The following DPP10 variants were observed in gnomAD, a reference collection of about 807,000 sequenced individuals.
DPP10 encodes dipeptidyl peptidase like 10, also known as inactive dipeptidyl peptidase 10.
Under a neutral mutation model 120.9 loss-of-function variants are expected in DPP10, and 33 were observed. The observed-to-expected ratio is 0.27, with a 90% CI of 0.21 to 0.37. The LOEUF is 0.37. DPP10 is among the 10% of genes least tolerant of loss of function. The pLI is 1.00. For synonymous variants in DPP10, 337 were observed against 326.1 expected (o/e 1.03, Z -0.36); for missense variants, 816 against 942.8 (o/e 0.87, Z 1.76).
At chr2:115,298,996 A>C (rs2061007418) in intron 1 of DPP10, among the ~76,000 whole-genome samples, 1 of 152,056 alleles carries the variant, frequency 6.6e-6, no homozygotes, top group Non-Finnish European at 1.5e-5. Flanking sequence ...TCTCATGGGC[A>C]ATTTTAAGAA....
chr2:114,492,373 G>A (rs1218775699), intron 1 of DPP10, among the ~76,000 whole-genome samples: 1 of 151,984 alleles, frequency 6.6e-6, no homozygotes, highest in East Asian at 1.9e-4. Flanking sequence ...GGTTATCAAT[G>A]ATCAACTAAC....
chr2:115,510,456 C>T (rs1216090812), intron 4 of DPP10, among the ~76,000 whole-genome samples: 1 of 152,060 alleles, frequency 6.6e-6, no homozygotes, highest in Admixed American at 6.6e-5. Flanking sequence ...CAAATGTCAG[C>T]TGACCACAAA....
intron 5 of DPP10, among the ~76,000 whole-genome samples, chr2:115,586,070 C>T (rs1049412179): frequency 6.6e-6 from 1 of 152,046 alleles, no homozygotes; most frequent in Admixed American, 6.6e-5. Flanking sequence ...CGCCTGTAAT[C>T]CCAGCACTTT....
intron 1 of DPP10, among the ~76,000 whole-genome samples, chr2:115,243,571 C>T (rs1475542564): frequency 6.6e-6 from 1 of 151,734 alleles, no homozygotes; most frequent in East Asian, 1.9e-4. Context: ...TTTGATAAAA[C>T]AAAATGATTG....
intron 1 of DPP10, among the ~76,000 whole-genome samples, chr2:115,019,292 A>G (rs769374097): frequency 6.6e-5 from 10 of 152,216 alleles, no homozygotes; most frequent in Non-Finnish European, 1.5e-4. Flanking sequence ...AAAAGAAAGG[A>G]ACATTCTTCA....
chr2:114,789,484 T>G (rs1488284428), intron 1 of DPP10, among the ~76,000 whole-genome samples: 1 of 151,998 alleles, frequency 6.6e-6, no homozygotes, highest in Non-Finnish European at 1.5e-5. Flanking sequence ...TGTGGAGGAG[T>G]TCACTTCTCA....
At chr2:115,812,532 C>T (rs927374402) in intron 19 of DPP10, among the ~76,000 whole-genome samples, 1 of 152,102 alleles carries the variant, frequency 6.6e-6, no homozygotes, top group Non-Finnish European at 1.5e-5. Flanking sequence ...CATCAGACTT[C>T]TAGGTTACAG....
chr2:115,018,126 A>T (rs1702800068), intron 1 of DPP10, among the ~76,000 whole-genome samples: 1 of 152,222 alleles, frequency 6.6e-6, no homozygotes, highest in Non-Finnish European at 1.5e-5. Context: ...ATCACTGTTC[A>T]TTAGAGAAAT....
At chr2:115,439,377 G>A (rs1395317100) in intron 3 of DPP10, among the ~76,000 whole-genome samples, 1 of 152,192 alleles carries the variant, frequency 6.6e-6, no homozygotes. Flanking sequence ...ATGATGAAAC[G>A]TGTCAGGACA....
chr2:115,813,291 A>G (rs1179596511), intron 19 of DPP10, among the ~76,000 whole-genome samples: 1 of 152,186 alleles, frequency 6.6e-6, no homozygotes, highest in Non-Finnish European at 1.5e-5. Context: ...TGAAGGCTAG[A>G]AGTCAAAGAT....
chr2:114,600,059 AT>A (rs776462085), intron 1 of DPP10, among the ~76,000 whole-genome samples: 3 of 150,426 alleles, frequency 2.0e-5, no homozygotes, highest in African/African-American at 7.3e-5. Context: ...CTAGGGATCA[AT>A]TTTTTTTTCC....
At chr2:114,622,405 T>TC in intron 1 of DPP10, among the ~76,000 whole-genome samples, 1 of 125,806 alleles carries the variant, frequency 7.9e-6, no homozygotes, top group Non-Finnish European at 1.6e-5. Context: ...CATCCATCTA[T>TC]CTTTTTTTTT....
intron 1 of DPP10, among the ~76,000 whole-genome samples, chr2:114,746,973 T>C (rs1678637879): frequency 6.6e-6 from 1 of 152,238 alleles, no homozygotes; most frequent in Non-Finnish European, 1.5e-5. Flanking sequence ...GGCTAGTCAC[T>C]ATATATACAC....
In DPP10 at chr2:114,878,407, CATTT is replaced by C. The variant is rs557671224; in HGVS notation, c.61-430829_61-430826del. On this transcript the variant is annotated intron_variant, in intron 1 of 25. Transcript: ENST00000410059. ...TATTTAGGGTATCTATCACCTCAAACATTTATCATTTCTTTGTGTTGGGAAATTT... is the reference window on the plus strand; with the variant it reads ...TATTTAGGGTATCTATCACCTCAAACATCATTTCTTTGTGTTGGGAAATTT... Among the ~76,000 whole-genome samples the C allele has an allele frequency of 1.4e-4, 21 of 152,202 alleles. No homozygotes were observed. In the Middle Eastern group the frequency reaches 0.014, roughly 99 times the overall value.
At chr2:114,813,916 C>A (rs1237775319) in intron 1 of DPP10, among the ~76,000 whole-genome samples, 2 of 142,768 alleles carry the variant, frequency 1.4e-5, no homozygotes. Context: ...TGCCAAATAG[C>A]CTGTGGCTTA....
intron 7 of DPP10, among the ~76,000 whole-genome samples, chr2:115,699,052 A>AAAAAAAAAC (rs2091760937): frequency 7.0e-6 from 1 of 143,154 alleles, no homozygotes; most frequent in African/African-American, 2.5e-5. Context: ...AAAAAAAACA[A>AAAAAAAAAC]GAGAAGACTC....
rs1237693989 is a variant in DPP10 at position 115,230,090 on chromosome 2, GT to G, written c.61-79146del. On this transcript the variant is annotated intron_variant, in intron 1 of 25. Transcript: ENST00000410059. Reference sequence around the variant, plus strand: ...TTGTATTTTTCTTGGGTCTCCTTCAGTTTCTTTTATCAATGTTTTACAGTTT... The same window carrying G: ...TTGTATTTTTCTTGGGTCTCCTTCAGTTCTTTTATCAATGTTTTACAGTTT... 3.3e-5 allele frequency among the ~76,000 whole-genome samples: 5 copies of G among 151,734 alleles called. No individual in the cohort carries two copies. The East Asian group carries it at 9.7e-4, about 29-fold the overall frequency.
chr2:115,507,907 T>G (rs1359415464), intron 4 of DPP10, among the ~76,000 whole-genome samples: 1 of 151,996 alleles, frequency 6.6e-6, no homozygotes, highest in African/African-American at 2.4e-5. Flanking sequence ...AGGTAAAAAG[T>G]AGGTGGGTGG....
At chr2:115,654,920 T>A (rs1204373354) in intron 5 of DPP10, among the ~76,000 whole-genome samples, 1 of 151,794 alleles carries the variant, frequency 6.6e-6, no homozygotes. Flanking sequence ...TTCCCACAAC[T>A]TTGACTTTTA....
Sources: gnomAD v4.1 joint callset for allele counts (sites outside exome capture counted in the v4.1 genomes callset) on GRCh38, gnomAD v4.1.1 for gene constraint, MANE v1.5 for transcripts, NCBI Gene and HGNC (gene_info 2026-07-23, HGNC 2026-07-21) for gene names.